The following MACROD2 variants were observed in gnomAD, a reference collection of about 807,000 sequenced individuals.
The protein encoded by MACROD2 is mono-ADP ribosylhydrolase 2.
In MACROD2, 36 loss-of-function variants were observed where a neutral mutation model predicts 70.4. That is an observed-to-expected ratio of 0.51 (90% CI 0.39 to 0.68). The LOEUF (loss-of-function observed/expected upper bound fraction) is 0.68. MACROD2 is among the 30% of genes least tolerant of loss of function. The pLI is 0.00. For missense variants in MACROD2, 496 were observed against 538.4 expected (o/e 0.92, Z 0.78); for synonymous variants, 172 against 178.8 (o/e 0.96, Z 0.30).
At chr20:15,098,806 C>T (rs2075851922) in intron 5 of MACROD2, among the ~76,000 whole-genome samples, 1 of 152,206 alleles carries the variant, frequency 6.6e-6, no homozygotes, top group South Asian at 2.1e-4. Context: ...GATGTTTCCC[C>T]TTTGGGGGGA....
intron 5 of MACROD2, among the ~76,000 whole-genome samples, chr20:14,744,657 A>G (rs911068565): frequency 2.0e-5 from 3 of 152,200 alleles, no homozygotes; most frequent in African/African-American, 7.2e-5. Flanking sequence ...TTTGGCTGAT[A>G]GAACAGTGTC....
chr20:15,060,881 C>T (rs1453594890), intron 5 of MACROD2, among the ~76,000 whole-genome samples: 1 of 152,118 alleles, frequency 6.6e-6, no homozygotes, highest in African/African-American at 2.4e-5. Context: ...AATAACAATC[C>T]CATCTGAGAG....
chr20:15,557,173 C>T (rs920024842), intron 8 of MACROD2, among the ~76,000 whole-genome samples: 5 of 150,500 alleles, frequency 3.3e-5, no homozygotes, highest in African/African-American at 1.2e-4. Flanking sequence ...CCACATTCAA[C>T]GGGGCACTCC....
intron 5 of MACROD2, among the ~76,000 whole-genome samples, chr20:15,098,588 G>A (rs954324513): frequency 5.3e-5 from 8 of 152,166 alleles, no homozygotes; most frequent in Non-Finnish European, 8.8e-5. Context: ...AACACTATGC[G>A]AGGCATCATG....
intron 8 of MACROD2, among the ~76,000 whole-genome samples, chr20:15,751,476 T>A (rs1217956411): frequency 6.6e-6 from 1 of 152,062 alleles, no homozygotes; most frequent in Non-Finnish European, 1.5e-5. Flanking sequence ...CATTGAAGGG[T>A]AACATATTTA....
At chr20:15,069,820 G>A (rs1185326510) in intron 5 of MACROD2, among the ~76,000 whole-genome samples, 1 of 152,210 alleles carries the variant, frequency 6.6e-6, no homozygotes, top group African/African-American at 2.4e-5. Context: ...CAGAGGCGGA[G>A]CCCCTGCAGA....
rs111238924 is a variant in MACROD2, at chr20:15,329,279, G to C, written c.540+99218G>C. Among the ~76,000 whole-genome samples the C allele has an allele frequency of 2.1e-3, 320 of 152,190 alleles. 1 individual carries two copies. The highest frequency in any genetic ancestry group is 7.3e-3 in the African/African-American group (304 of 41,522). ...GGTCAAGTTCAGAGTGTATGATAGA[G>C]GCCCTTTGGACTTGTTCAGGGTGAG... On this transcript the variant is annotated intron_variant, in intron 6 of 17. Transcript: ENST00000684519.
chr20:14,003,429 G>A (rs1011410421), intron 2 of MACROD2: 16 of 170,018 alleles, frequency 9.4e-5, no homozygotes, highest in East Asian at 1.8e-4. Flanking sequence ...GGGCAAGCGG[G>A]GTAGCAGCTC....
chr20:14,325,774 G>C (rs1335041268), intron 3 of MACROD2: 8 of 1,613,774 alleles, frequency 5.0e-6, no homozygotes, highest in Non-Finnish European at 6.8e-6. Flanking sequence ...CTTAGTGCCA[G>C]CTTCTGCATA....
At chr20:15,166,291 G>A (rs915219949) in intron 5 of MACROD2, among the ~76,000 whole-genome samples, 5 of 152,150 alleles carry the variant, frequency 3.3e-5, no homozygotes, top group Non-Finnish European at 5.9e-5. Flanking sequence ...AAGCCTTTGG[G>A]AGGTGATTAG....
At chr20:15,411,595 A>G (rs1386114322) in intron 6 of MACROD2, among the ~76,000 whole-genome samples, 2 of 152,240 alleles carry the variant, frequency 1.3e-5, no homozygotes, top group African/African-American at 4.8e-5. Flanking sequence ...TCCCTTACAT[A>G]TAATGTTTAG....
At chr20:14,736,448 T>C (rs528375460) in intron 5 of MACROD2, among the ~76,000 whole-genome samples, 179 of 152,306 alleles carry the variant, frequency 1.2e-3, no homozygotes, top group Admixed American at 2.1e-3. Flanking sequence ...GTCACTGGAT[T>C]GTATACTTCA....
At chr20:15,004,676 A>G (rs1227182035) in intron 5 of MACROD2, among the ~76,000 whole-genome samples, 2 of 152,214 alleles carry the variant, frequency 1.3e-5, no homozygotes, top group Non-Finnish European at 2.9e-5. Context: ...GAAAGAAGGC[A>G]CTTAAGTGAA....
intron 10 of MACROD2, among the ~76,000 whole-genome samples, chr20:15,922,199 G>T (rs1601138574): frequency 6.6e-6 from 1 of 152,202 alleles, no homozygotes; most frequent in East Asian, 1.9e-4. Context: ...CTGTCCCACT[G>T]GACTCAGCTC....
intron 3 of MACROD2, among the ~76,000 whole-genome samples, chr20:14,134,569 G>T (rs2054765322): frequency 6.6e-6 from 1 of 152,080 alleles, no homozygotes; most frequent in East Asian, 1.9e-4. Flanking sequence ...CACTTTGGGA[G>T]GCCGAGGCGG....
rs113782386 is a variant in MACROD2 at position 14,453,170 on chromosome 20, C to A, written c.272-40309C>A. Among the ~76,000 whole-genome samples the A allele has an allele frequency of 8.9e-4, 136 of 152,194 alleles. 2 individuals are homozygous for A. Among genetic ancestry groups the A allele is most frequent in the African/African-American group, 3.2e-3 (133 of 41,482 alleles). On this transcript the variant is annotated intron_variant, in intron 3 of 17. Transcript: ENST00000684519. ...TTGGTGCTGATAGTGTTATTGCATT[C>A]CTATGGACATTAAGACCACCAAGGC... is the stretch of plus-strand genomic sequence containing the variant.
At chr20:15,012,182 A>G (rs1366237706) in intron 5 of MACROD2, among the ~76,000 whole-genome samples, 1 of 152,210 alleles carries the variant, frequency 6.6e-6, no homozygotes, top group Non-Finnish European at 1.5e-5. Context: ...TGGGAACTAA[A>G]CAAAGAAAAC....
At chr20:15,844,206 G>T (rs999993796) in intron 8 of MACROD2, among the ~76,000 whole-genome samples, 1 of 152,082 alleles carries the variant, frequency 6.6e-6, no homozygotes, top group African/African-American at 2.4e-5. Flanking sequence ...TGCATTTGGT[G>T]ACATTATACA....
chr20:15,598,859 C>A (rs1031601190), intron 8 of MACROD2, among the ~76,000 whole-genome samples: 2 of 152,164 alleles, frequency 1.3e-5, no homozygotes, highest in Non-Finnish European at 1.5e-5. Context: ...ATTCATACTA[C>A]AAAATTAGTC....
Sources: allele counts gnomAD v4.1 joint callset (sites outside exome capture counted in the v4.1 genomes callset), GRCh38; gene constraint gnomAD v4.1.1; transcripts MANE v1.5; gene names NCBI Gene and HGNC (gene_info 2026-07-23, HGNC 2026-07-21).